Variants in UIMC1 observed in about 807,000 individuals in gnomAD.
UIMC1 encodes the protein ubiquitin interaction motif containing 1, also known as BRCA1-A complex subunit RAP80.
UIMC1 carries 42 observed loss-of-function variants against 84.9 expected under a neutral mutation model. The observed-to-expected ratio is 0.49, with a 90% CI of 0.39 to 0.64. The LOEUF (loss-of-function observed/expected upper bound fraction) is 0.64, where lower values mean the gene tolerates loss of function less well. Among genes scored for constraint, UIMC1 ranks in the 30% least tolerant of loss-of-function variants. The pLI is 0.00. For missense variants in UIMC1, 825 were observed against 847.6 expected (o/e 0.97, Z 0.33); for synonymous variants, 281 against 293.0 (o/e 0.96, Z 0.42).
Position 176,959,715 on chromosome 5 carries a change from C to CAA in UIMC1, c.1201-1563_1201-1562dup, listed in dbSNP as rs1169116401. Among the ~76,000 whole-genome samples the CAA allele has an allele frequency of 2.0e-3, 105 of 53,836 alleles. 1 individual carries two copies. The highest frequency in any genetic ancestry group is 5.9e-3 in the African/African-American group (94 of 15,986). 35.3% of individuals were successfully genotyped at this position (53,836 alleles called of 152,430 possible). On this transcript the variant is annotated intron_variant, in intron 6 of 14. Coordinates refer to ENST00000511320, the MANE Select transcript of UIMC1 (RefSeq NM_001199298.2). Reference sequence around the variant, plus strand: ...TGGGCGACAGAGCGAGACTCCGTCTCAAAAAAAAAAAAAAAAAAAAAATTA... The same window carrying CAA: ...TGGGCGACAGAGCGAGACTCCGTCTCAAAAAAAAAAAAAAAAAAAAAAAATTA...
chr5:176,977,804 G>A (rs1404721796), intron 2 of UIMC1, among the ~76,000 whole-genome samples: 6 of 151,638 alleles, frequency 4.0e-5, no homozygotes, highest in African/African-American at 9.7e-5. Flanking sequence ...CAGCTACTCC[G>A]CAGGCTGAGG....
intron 3 of UIMC1, among the ~76,000 whole-genome samples, chr5:176,972,942 G>GTC (rs1386929599): frequency 6.9e-6 from 1 of 144,646 alleles, no homozygotes; most frequent in Non-Finnish European, 1.5e-5. Context: ...TTGAAATGGC[G>GTC]TCTCTCTCTG....
chr5:176,978,143 G>A (rs181457075), intron 2 of UIMC1, among the ~76,000 whole-genome samples: 1,643 of 152,070 alleles, frequency 0.011, 10 homozygotes, highest in Non-Finnish European at 0.016. Context: ...AGGCCGAGGC[G>A]GACGGATCAC....
At chr5:176,972,596 C>T (rs1399902829) in intron 3 of UIMC1, among the ~76,000 whole-genome samples, 5 of 151,736 alleles carry the variant, frequency 3.3e-5, no homozygotes, top group African/African-American at 1.2e-4. Context: ...ATTAGCTGGG[C>T]GTGGTGGCAG....
chr5:176,985,245 G>C (rs1410594951), intron 1 of UIMC1, among the ~76,000 whole-genome samples: 5 of 151,880 alleles, frequency 3.3e-5, no homozygotes, highest in Non-Finnish European at 2.9e-5. Flanking sequence ...CATTTGACGT[G>C]AGGAGTTGGA....
chr5:176,944,940 G>C (rs528831348), intron 9 of UIMC1, among the ~76,000 whole-genome samples: 5 of 152,324 alleles, frequency 3.3e-5, no homozygotes, highest in Admixed American at 2.0e-4. Flanking sequence ...CAAGCCGCTG[G>C]ACAGAAGTAT....
chr5:176,947,341 C>A (rs1269639206), intron 9 of UIMC1, among the ~76,000 whole-genome samples: 1 of 152,036 alleles, frequency 6.6e-6, no homozygotes, highest in East Asian at 1.9e-4. Flanking sequence ...AGAGTTGCTT[C>A]TACTTCTTTT....
At position 176,968,976 on chromosome 5, in the gene UIMC1, G is replaced by A; in HGVS notation, c.779C>T (p.Thr260Ile). Reference protein sequence around the residue: ...SGDTSRHCLPTLADAKGLQDT... With the variant: ...SGDTSRHCLPILADAKGLQDT... ...CTGGAGACCTTTGGCATCTGCTAGG[G>A]TAGGTAGACAGTGCCTAGATGTGTC... Residue 260 changes from threonine (T) to isoleucine (I), a missense_variant, in exon 6 of 15, where the codon ACC becomes ATC. Thr to Ile is a moderately conservative substitution (Grantham distance 89, BLOSUM62 -1). Transcript: ENST00000511320. 6.2e-7 allele frequency: 1 copy of A among 1,614,218 alleles called. No individual in the cohort carries two copies. The highest frequency in any genetic ancestry group is 8.5e-7 in the Non-Finnish European group (1 of 1,180,050).
At chr5:176,945,458 C>T (rs13156422) in intron 9 of UIMC1, among the ~76,000 whole-genome samples, 5,254 of 152,218 alleles carry the variant, frequency 0.035, 326 homozygotes, top group African/African-American at 0.12. Context: ...CAAAATTGCA[C>T]GCAGGATCGT....
intron 8 of UIMC1, among the ~76,000 whole-genome samples, chr5:176,955,749 C>T (rs1431033492): frequency 2.0e-5 from 3 of 151,906 alleles, no homozygotes; most frequent in Non-Finnish European, 4.4e-5. Flanking sequence ...CTAAATTACC[C>T]CTAAGGAGAG....
At chr5:176,933,741 G>C (rs1763395479) in intron 10 of UIMC1, among the ~76,000 whole-genome samples, 1 of 151,862 alleles carries the variant, frequency 6.6e-6, no homozygotes, top group Non-Finnish European at 1.5e-5. Flanking sequence ...TTCCTATGTT[G>C]CTCAGGCTGG....
rs373355597 is a variant in UIMC1 at position 176,983,734 on chromosome 5, G to A, written c.-8-1111C>T. Among the ~76,000 whole-genome samples, 419 of 150,248 alleles carry A rather than the reference G, an allele frequency of 2.8e-3. 1 individual carries two copies. Among genetic ancestry groups the A allele is most frequent in the African/African-American group, 9.9e-3 (405 of 40,836 alleles). On this transcript the variant is annotated intron_variant, in intron 1 of 14. Transcript: ENST00000511320. ...AGGAGCCCCTCTGCCCGGCCACCCC[G>A]TCTGGGAAGTCAGGAGCGCCTCTAC...
chr5:176,987,935 G>A (rs2149516473), intron 1 of UIMC1, among the ~76,000 whole-genome samples: 1 of 152,050 alleles, frequency 6.6e-6, no homozygotes, highest in East Asian at 1.9e-4. Flanking sequence ...TTTGAGACCA[G>A]CCCAGGAAAC....
At chr5:177,009,061 C>A (rs1478030184), upstream of UIMC1, among the ~76,000 whole-genome samples, 2 of 151,536 alleles carry the variant, frequency 1.3e-5, no homozygotes, top group African/African-American at 4.9e-5. The surrounding 1 kb of genome is among the most constrained non-coding windows in gnomAD (Gnocchi z 4.3). Context: ...TACTGGAGTG[C>A]AGTGGTGTCA....
At chr5:177,008,056 G>C (rs1462211794), upstream of UIMC1, among the ~76,000 whole-genome samples, 1 of 147,532 alleles carries the variant, frequency 6.8e-6, no homozygotes, top group Non-Finnish European at 1.5e-5. Flanking sequence ...AGTGAGCCGA[G>C]ATCACACCAC....
intron 8 of UIMC1, among the ~76,000 whole-genome samples, chr5:176,952,410 A>G (rs1765999433): frequency 1.3e-5 from 2 of 152,198 alleles, no homozygotes; most frequent in Non-Finnish European, 2.9e-5. Flanking sequence ...AAAATCTAAG[A>G]TGGGGTCCCT....
intron 3 of UIMC1, among the ~76,000 whole-genome samples, chr5:176,974,392 C>A (rs1227797346): frequency 6.6e-6 from 1 of 151,968 alleles, no homozygotes; most frequent in Non-Finnish European, 1.5e-5. Context: ...TACAAAAACT[C>A]AAAATAGATC....
intron 9 of UIMC1, among the ~76,000 whole-genome samples, chr5:176,946,926 T>G (rs1251889616): frequency 6.6e-6 from 1 of 152,204 alleles, no homozygotes; most frequent in African/African-American, 2.4e-5. Context: ...GCAAGTAGTC[T>G]TTAATTACTT....
chr5:176,976,392 T>A (rs1450541209), intron 2 of UIMC1, among the ~76,000 whole-genome samples: 1 of 152,136 alleles, frequency 6.6e-6, no homozygotes, highest in African/African-American at 2.4e-5. Context: ...TATAGAAATG[T>A]CCAAGAAGTA....
Sources: gnomAD v4.1 joint callset for allele counts (sites outside exome capture counted in the v4.1 genomes callset) on GRCh38, gnomAD v4.1.1 for gene constraint, Gnocchi (gnomAD v3.1) non-coding constraint, MANE v1.5 for transcripts, NCBI Gene and HGNC (gene_info 2026-07-23, HGNC 2026-07-21) for gene names.